The following TTC6 variants were observed in gnomAD, a reference collection of about 807,000 sequenced individuals.
TTC6 encodes tetratricopeptide repeat protein 6.
A neutral mutation model predicts 210.4 loss-of-function variants in TTC6; 172 were observed. The ratio of observed to expected loss-of-function variants is 0.82; its 90% confidence interval spans 0.72 to 0.93. TTC6 has a LOEUF of 0.93. TTC6 is among the 40% of genes least tolerant of loss of function. The probability of loss-of-function intolerance (pLI) is 0.00; values close to 1 mark genes in which losing one functional copy is unlikely to be tolerated. For synonymous variants in TTC6, 804 were observed against 819.6 expected (o/e 0.98, Z 0.32); for missense variants, 2,414 against 2,318.1 (o/e 1.04, Z -0.85).
intron 1 of TTC6, among the ~76,000 whole-genome samples, chr14:37,675,098 A>G (rs1288548407): frequency 2.6e-5 from 4 of 152,100 alleles, no homozygotes; most frequent in Non-Finnish European, 5.9e-5. Context: ...TGTAAAATTA[A>G]CCATCTTACA....
At chr14:37,624,163 T>A (rs750428733) in intron 1 of TTC6, among the ~76,000 whole-genome samples, 4 of 152,232 alleles carry the variant, frequency 2.6e-5, no homozygotes, top group African/African-American at 7.2e-5. Context: ...TCTCTGGTGT[T>A]GCCTTTGGCC....
intron 10 of TTC6, among the ~76,000 whole-genome samples, chr14:37,740,594 A>G (rs957604698): frequency 1.1e-4 from 17 of 152,202 alleles, no homozygotes; most frequent in African/African-American, 3.6e-4. Context: ...ATAGTACTTC[A>G]TAAGTGTGAA....
At chr14:37,772,294 G>GAGGC (rs1297393674) in intron 14 of TTC6, 2 of 154,006 alleles carry the variant, frequency 1.3e-5, no homozygotes, top group African/African-American at 2.4e-5. Flanking sequence ...GGAGCCTACA[G>GAGGC]AGGCAGGCAG....
chr14:37,839,445 T>C (rs1480316998), intron 29 of TTC6, among the ~76,000 whole-genome samples: 1 of 152,250 alleles, frequency 6.6e-6, no homozygotes, highest in Admixed American at 6.5e-5. Context: ...AAATGTCTTC[T>C]TTTGAGAAGT....
chr14:37,696,748 G>C, exon 4 of TTC6: 2 of 1,468,434 alleles, frequency 1.4e-6, no homozygotes, highest in Middle Eastern at 1.7e-4. Flanking sequence ...CAAATCGAAG[G>C]AAAAGAAATT....
intron 8 of TTC6, 92 bp from the exon 11 acceptor site, chr14:37,737,568 T>A: frequency 1.7e-6 from 1 of 602,324 alleles, no homozygotes; most frequent in Middle Eastern, 3.8e-4. Flanking sequence ...TTCATTAATT[T>A]ACCTAAACAG....
chr14:37,785,597 C>T (rs1259397969), intron 14 of TTC6, among the ~76,000 whole-genome samples: 2 of 151,910 alleles, frequency 1.3e-5, no homozygotes, highest in South Asian at 2.1e-4. Context: ...TTGTTTTTAC[C>T]GATCGTCTGA....
chr14:37,815,388 T>A (rs2096139076), intron 25 of TTC6, among the ~76,000 whole-genome samples: 1 of 152,138 alleles, frequency 6.6e-6, no homozygotes, highest in Admixed American at 6.5e-5. Context: ...CTGTTCCACC[T>A]CCGATCATGG....
intron 6 of TTC6, among the ~76,000 whole-genome samples, chr14:37,715,507 G>A (rs1004069171): frequency 5.9e-5 from 9 of 151,966 alleles, no homozygotes; most frequent in African/African-American, 2.2e-4. Context: ...AAGTGGGAAT[G>A]GCTATATTAA....
At chr14:37,605,405 C>T (rs965777690) in intron 1 of TTC6, among the ~76,000 whole-genome samples, 1 of 152,172 alleles carries the variant, frequency 6.6e-6, no homozygotes, top group Non-Finnish European at 1.5e-5. Context: ...ATATATCCTT[C>T]ACTGGAAAAC....
chr14:37,674,175 T>A (rs531567758), intron 1 of TTC6, among the ~76,000 whole-genome samples: 1 of 152,204 alleles, frequency 6.6e-6, no homozygotes, highest in Non-Finnish European at 1.5e-5. Context: ...TGGTAGTTTA[T>A]AATTTTTGTT....
chr14:37,703,694 A>G (rs1335660284), intron 5 of TTC6, among the ~76,000 whole-genome samples: 2 of 152,120 alleles, frequency 1.3e-5, no homozygotes, highest in African/African-American at 4.8e-5. Context: ...TTTTAATGGA[A>G]TTGGAAGGGT....
intron 26 of TTC6, among the ~76,000 whole-genome samples, chr14:37,818,622 G>T (rs1410696332): frequency 6.6e-6 from 1 of 151,968 alleles, no homozygotes; most frequent in East Asian, 1.9e-4. Flanking sequence ...GACATATATA[G>T]TACAGCTACA....
intron 1 of TTC6, 38 bp downstream of exon 1, chr14:37,596,046 C>CT (rs144611453): frequency 0.04 from 6,047 of 149,328 alleles, 412 homozygotes; most frequent in African/African-American, 0.14. Flanking sequence ...TATGACATAA[C>CT]TTTTTTTTTT....
At chr14:37,614,494 G>A (rs1038499907) in intron 2 of TTC6, among the ~76,000 whole-genome samples, 8 of 152,048 alleles carry the variant, frequency 5.3e-5, no homozygotes, top group African/African-American at 1.9e-4. Context: ...GAAAAAAATA[G>A]CTTCATGCAC....
intron 14 of TTC6, among the ~76,000 whole-genome samples, chr14:37,778,618 T>G (rs1027524991): frequency 6.6e-6 from 1 of 151,588 alleles, no homozygotes; most frequent in African/African-American, 2.4e-5. Flanking sequence ...CAAAGCAGAG[T>G]TGGGGAGGCC....
intron 1 of TTC6, among the ~76,000 whole-genome samples, chr14:37,652,994 C>T (rs2095715746): frequency 6.6e-6 from 1 of 152,312 alleles, no homozygotes; most frequent in Non-Finnish European, 1.5e-5. Context: ...TCTATGTGTA[C>T]ATCACTAAGT....
At chr14:37,786,281 G>C (rs12161884) in intron 14 of TTC6, among the ~76,000 whole-genome samples, 1 of 152,210 alleles carries the variant, frequency 6.6e-6, no homozygotes, top group Admixed American at 6.5e-5. Context: ...CACCCAGTTC[G>C]AGTTTCCCAG....
intron 13 of TTC6, among the ~76,000 whole-genome samples, chr14:37,752,067 C>T (rs925479432): frequency 3.3e-5 from 5 of 151,994 alleles, no homozygotes; most frequent in African/African-American, 9.6e-5. Flanking sequence ...CCTCGTGATC[C>T]GCCCACCTTG....
Sources: gnomAD v4.1 joint callset for allele counts (sites outside exome capture counted in the v4.1 genomes callset) on GRCh38, gnomAD v4.1.1 for gene constraint, MANE v1.5 for transcripts, NCBI Gene and HGNC (gene_info 2026-07-23, HGNC 2026-07-21) for gene names.